The following ATG7 variants were observed in gnomAD, a reference collection of about 807,000 sequenced individuals.
The protein encoded by ATG7 is ubiquitin-like modifier-activating enzyme ATG7.
Under a neutral mutation model 82.4 loss-of-function variants are expected in ATG7, and 70 were observed. The observed-to-expected ratio is 0.85, with a 90% CI of 0.70 to 1.04. The LOEUF is 1.04. Among genes scored for constraint, ATG7 ranks in the 50% least tolerant of loss-of-function variants. The pLI is 0.00. For missense variants in ATG7, 792 were observed against 864.3 expected, an observed-to-expected ratio of 0.92 and a Z score of 1.05; for synonymous variants, 287 against 313.0, an observed-to-expected ratio of 0.92 and a Z score of 0.88.
In ATG7 at chr3:11,371,709, C is replaced by T. The variant is rs956699321; in HGVS notation, c.1875+6975C>T. On this transcript the variant is annotated intron_variant, in intron 18 of 20. Transcript: ENST00000693202. ...GAACCACTGCTTCTGTCCATGAAAA[C>T]ATGGCTTCTTGATAGCATCACCTGG... Among the ~76,000 whole-genome samples, 38 of 151,242 alleles carry T rather than the reference C, an allele frequency of 2.5e-4. 1 individual carries two copies. Among genetic ancestry groups the T allele is most frequent in the African/African-American group, 9.0e-4 (37 of 41,002 alleles).
chr3:11,349,391 AGGTGT>A (rs1955115132), intron 14 of ATG7, among the ~76,000 whole-genome samples: 1 of 152,060 alleles, frequency 6.6e-6, no homozygotes, highest in Admixed American at 6.6e-5. Context: ...AAAATTAGCC[AGGTGT>A]GGTGGTGGTG....
chr3:11,292,229 A>G (rs1280190946), intron 3 of ATG7, among the ~76,000 whole-genome samples: 1 of 151,454 alleles, frequency 6.6e-6, no homozygotes, highest in African/African-American at 2.4e-5. Flanking sequence ...GCCTTGTGTG[A>G]ATTTATTTTT....
At chr3:11,508,154 A>T (rs1353970955) in intron 20 of ATG7, among the ~76,000 whole-genome samples, 2 of 152,048 alleles carry the variant, frequency 1.3e-5, no homozygotes, top group African/African-American at 4.8e-5. Flanking sequence ...TCTACAGCAG[A>T]TGTCAACAGG....
rs966532821 is a variant in ATG7 at position 11,555,971 on chromosome 3, T to G, written c.*1128T>G. ...CCAGTCCAAGTTCCAGTGGCTGTCG[T>G]TCAGCTCATGGGAGCTTCATGGGGA... On this transcript the variant is annotated 3_prime_UTR_variant, in exon 21 of 21. Transcript: ENST00000693202. 6.6e-6 allele frequency: 1 copy of G among 152,604 alleles called. No individual in the cohort carries two copies. Among genetic ancestry groups the G allele is most frequent in the Non-Finnish European group, 1.5e-5 (1 of 68,026 alleles). The allele number at this position is 152,604 out of a possible 1,614,324, so 9.5% of individuals were successfully genotyped here. A position where few individuals can be genotyped will look rare whatever the true frequency, so the allele number is the denominator to read the frequency against.
chr3:11,393,429 T>G (rs1374482256), intron 19 of ATG7, among the ~76,000 whole-genome samples: 6 of 152,188 alleles, frequency 3.9e-5, no homozygotes, highest in Non-Finnish European at 2.9e-5. Context: ...AAAGGGTTTG[T>G]GTGTCTTCCC....
chr3:11,521,948 G>T (rs1234088538), intron 20 of ATG7, among the ~76,000 whole-genome samples: 2 of 152,140 alleles, frequency 1.3e-5, no homozygotes, highest in African/African-American at 4.8e-5. Context: ...AAAGCCTACT[G>T]GTATGGCACT....
At chr3:11,524,507 C>G (rs2092523473) in intron 20 of ATG7, among the ~76,000 whole-genome samples, 1 of 152,080 alleles carries the variant, frequency 6.6e-6, no homozygotes, top group Non-Finnish European at 1.5e-5. Context: ...ACCTATAATC[C>G]CAGCACTTTG....
chr3:11,546,664 G>A (rs1437811599), intron 20 of ATG7, among the ~76,000 whole-genome samples: 1 of 152,226 alleles, frequency 6.6e-6, no homozygotes, highest in Admixed American at 6.5e-5. Context: ...AAACTCGTCT[G>A]TCTCCTTTGG....
intron 20 of ATG7, among the ~76,000 whole-genome samples, chr3:11,545,480 C>A (rs945126960): frequency 6.6e-6 from 1 of 152,056 alleles, no homozygotes; most frequent in Non-Finnish European, 1.5e-5. Context: ...AGAGTCTCCA[C>A]GGCCTGCAGC....
chr3:11,513,529 C>T (rs116096307), intron 20 of ATG7, among the ~76,000 whole-genome samples: 2,591 of 152,346 alleles, frequency 0.017, 72 homozygotes, highest in African/African-American at 0.055. Context: ...GCCAGCCGGC[C>T]GCTCCCAGTG....
chr3:11,484,014 G>T (rs1209946479), intron 20 of ATG7, among the ~76,000 whole-genome samples: 1 of 152,254 alleles, frequency 6.6e-6, no homozygotes, highest in South Asian at 2.1e-4. Context: ...GGTATAATTT[G>T]ACAATTACTT....
At chr3:11,480,722 G>C (rs1049443590) in intron 20 of ATG7, among the ~76,000 whole-genome samples, 2 of 152,182 alleles carry the variant, frequency 1.3e-5, no homozygotes, top group African/African-American at 4.8e-5. Context: ...TGAAACCCAG[G>C]CTTCTCAGTG....
chr3:11,462,845 A>T (rs781205131), intron 20 of ATG7, among the ~76,000 whole-genome samples: 133 of 1,226 alleles, frequency 0.11, no homozygotes, highest in African/African-American at 0.13. Flanking sequence ...AGATATTTTT[A>T]TTTATTTATT....
chr3:11,509,227 G>C (rs886951005), intron 20 of ATG7, among the ~76,000 whole-genome samples: 4 of 152,208 alleles, frequency 2.6e-5, no homozygotes, highest in African/African-American at 9.6e-5. Context: ...CATAGAGTTT[G>C]AAAAGCAGTA....
intron 20 of ATG7, among the ~76,000 whole-genome samples, chr3:11,519,538 A>AGTTTTT (rs2092377034): frequency 1.7e-4 from 13 of 77,690 alleles, no homozygotes; most frequent in Non-Finnish European, 3.0e-4. Context: ...CAGTGAGAGG[A>AGTTTTT]GTTTTTTTTT....
At chr3:11,302,784 G>C (rs1946994863) in intron 5 of ATG7, among the ~76,000 whole-genome samples, 1 of 152,152 alleles carries the variant, frequency 6.6e-6, no homozygotes, top group South Asian at 2.1e-4. Context: ...TCTCAGCTTT[G>C]CATAGCACTG....
chr3:11,479,373 A>ATT (rs1444590237), intron 20 of ATG7, among the ~76,000 whole-genome samples: 1 of 152,176 alleles, frequency 6.6e-6, no homozygotes, highest in African/African-American at 2.4e-5. Flanking sequence ...AAGTATTTTC[A>ATT]TTTTATAGAG....
intron 20 of ATG7, among the ~76,000 whole-genome samples, chr3:11,455,818 C>T (rs1658670241): frequency 1.3e-5 from 2 of 152,208 alleles, no homozygotes; most frequent in South Asian, 4.1e-4. Context: ...TCACACCCTT[C>T]CCTACTCATC....
At chr3:11,466,596 A>G (rs1446155335) in intron 20 of ATG7, among the ~76,000 whole-genome samples, 1 of 152,250 alleles carries the variant, frequency 6.6e-6, no homozygotes, top group Admixed American at 6.5e-5. Flanking sequence ...GTCGGTGCTT[A>G]TAAGTTCCAT....
Sources: gnomAD v4.1 joint callset for allele counts (sites outside exome capture counted in the v4.1 genomes callset) on GRCh38, gnomAD v4.1.1 for gene constraint, MANE v1.5 for transcripts, NCBI Gene and HGNC (gene_info 2026-07-23, HGNC 2026-07-21) for gene names.